The following SLCO3A1 variants were observed in gnomAD, a reference collection of about 807,000 sequenced individuals.
The protein encoded by SLCO3A1 is PGE1 transporter.
Under a neutral mutation model 63.1 loss-of-function variants are expected in SLCO3A1, and 27 were observed. The observed-to-expected ratio is 0.43, with a 90% CI of 0.32 to 0.59. The LOEUF (loss-of-function observed/expected upper bound fraction) is 0.59, where lower values mean the gene tolerates loss of function less well. Ranked by LOEUF, SLCO3A1 falls within the 20% of genes least tolerant of loss-of-function variation. The pLI, the probability that SLCO3A1 is intolerant of heterozygous loss-of-function variation, is 0.09. For synonymous variants in SLCO3A1, 473 were observed against 409.9 expected (o/e 1.15, Z -1.86); for missense variants, 773 against 945.8 (o/e 0.82, Z 2.40).
At chr15:92,168,745 A>G (rs1374328775), downstream of SLCO3A1, among the ~76,000 whole-genome samples, 2 of 152,214 alleles carry the variant, frequency 1.3e-5, no homozygotes, top group African/African-American at 4.8e-5. Context: ...TCTCATTTCC[A>G]AGAATAAAGT....
intron 7 of SLCO3A1, among the ~76,000 whole-genome samples, chr15:92,136,549 T>C (rs2048059665): frequency 1.3e-5 from 2 of 152,268 alleles, no homozygotes; most frequent in African/African-American, 4.8e-5. Flanking sequence ...TGTATGTGAA[T>C]AGAAACATTT....
Position 92,165,680 on chromosome 15 carries a change from G to GTGTC in SLCO3A1, c.*2546_*2549dup, listed in dbSNP as rs1880750920. On this transcript the variant is annotated 3_prime_UTR_variant, in exon 10 of 10. Transcript: ENST00000318445. ...TTGCAGGATGGCTCTGAATTCTGTT[G>GTGTC]TGTCGTCTTTTAAAATTTTAATTAT... 1.0e-6 allele frequency: 1 copy of GTGTC among 985,184 alleles called. No individual in the cohort carries two copies. 61.0% of individuals were successfully genotyped at this position (985,184 alleles called of 1,614,324 possible). A position where few individuals can be genotyped will look rare whatever the true frequency, so the allele number is the denominator to read the frequency against.
At chr15:91,945,111 C>T (rs756580048) in intron 2 of SLCO3A1, among the ~76,000 whole-genome samples, 7 of 151,732 alleles carry the variant, frequency 4.6e-5, no homozygotes, top group Admixed American at 1.3e-4. Flanking sequence ...TTTGGGAGGC[C>T]GAGGCAGGCG....
chr15:92,051,475 C>T (rs1277868163), intron 2 of SLCO3A1, among the ~76,000 whole-genome samples: 2 of 152,128 alleles, frequency 1.3e-5, no homozygotes, highest in Non-Finnish European at 2.9e-5. Flanking sequence ...CATGGATTTG[C>T]TCAATGGAAC....
chr15:92,031,593 A>G (rs1451618662), intron 2 of SLCO3A1, among the ~76,000 whole-genome samples: 1 of 152,176 alleles, frequency 6.6e-6, no homozygotes, highest in Non-Finnish European at 1.5e-5. Context: ...GGTATGTCTG[A>G]GGTCAGCACC....
At chr15:91,961,130 G>A (rs140219747) in intron 2 of SLCO3A1, among the ~76,000 whole-genome samples, 29 of 152,280 alleles carry the variant, frequency 1.9e-4, no homozygotes, top group African/African-American at 6.7e-4. Flanking sequence ...TGTCTGAAAC[G>A]TGATTTTTGA....
rs1378562564 is a variant in SLCO3A1 at position 92,165,381 on chromosome 15, T to C, written c.*2246T>C. ...TGATAATATCCTGTACAGATTTTGG[T>C]TTAGTTTTGCAAATATATTGCTAAT... On this transcript the variant is annotated 3_prime_UTR_variant, in exon 10 of 10. Transcript: ENST00000318445. The C allele has an allele frequency of 1.0e-6, 1 of 985,224 alleles. No homozygotes were observed. The highest frequency in any genetic ancestry group is 1.2e-6 in the Non-Finnish European group (1 of 829,848). The allele number at this position is 985,224 out of a possible 1,614,324, so 61.0% of individuals were successfully genotyped here. A position where few individuals can be genotyped will look rare whatever the true frequency, so the allele number is the denominator to read the frequency against.
chr15:91,877,154 T>C (rs28459353), intron 1 of SLCO3A1, among the ~76,000 whole-genome samples: 30,635 of 152,174 alleles, frequency 0.2, 3,198 homozygotes, highest in Middle Eastern at 0.31. Flanking sequence ...TGAATTCTGA[T>C]GTGAAAGAAT....
chr15:92,004,917 C>T (rs557087026), intron 2 of SLCO3A1, among the ~76,000 whole-genome samples: 4 of 152,326 alleles, frequency 2.6e-5, no homozygotes, highest in Admixed American at 1.3e-4. Context: ...TGGTCTATGG[C>T]TCTAAGCTCT....
At chr15:92,048,445 C>A (rs2046916862) in intron 2 of SLCO3A1, among the ~76,000 whole-genome samples, 2 of 152,266 alleles carry the variant, frequency 1.3e-5, no homozygotes, top group African/African-American at 4.8e-5. Context: ...CTTCCTAGTA[C>A]AGTGTCTCAT....
intron 1 of SLCO3A1, among the ~76,000 whole-genome samples, chr15:91,895,967 G>A (rs749360668): frequency 2.0e-5 from 3 of 152,174 alleles, no homozygotes; most frequent in African/African-American, 2.4e-5. Flanking sequence ...GTCCTTTCTT[G>A]TTTTCCAGTA....
chr15:92,089,545 T>C (rs2047446769), intron 2 of SLCO3A1, among the ~76,000 whole-genome samples: 1 of 152,226 alleles, frequency 6.6e-6, no homozygotes. Context: ...TAGTGTTCAC[T>C]GTTGCTGACA....
chr15:92,119,574 A>AG (rs765727520), intron 4 of SLCO3A1, among the ~76,000 whole-genome samples: 3 of 152,174 alleles, frequency 2.0e-5, no homozygotes, highest in Non-Finnish European at 4.4e-5. Flanking sequence ...TGTATAGGGA[A>AG]GACCCCCAAG....
At chr15:92,143,733 A>G (rs2048181532) in intron 7 of SLCO3A1, among the ~76,000 whole-genome samples, 1 of 151,152 alleles carries the variant, frequency 6.6e-6, no homozygotes, top group Admixed American at 6.6e-5. Context: ...CAAGAGGTGG[A>G]GGGAAAGGAG....
At chr15:91,960,658 A>G (rs879841526) in intron 2 of SLCO3A1, among the ~76,000 whole-genome samples, 4 of 152,174 alleles carry the variant, frequency 2.6e-5, no homozygotes, top group Non-Finnish European at 4.4e-5. Context: ...TCACTATTTC[A>G]TATGACTAGC....
At chr15:91,981,211 C>T (rs1450467970) in intron 2 of SLCO3A1, among the ~76,000 whole-genome samples, 1 of 152,162 alleles carries the variant, frequency 6.6e-6, no homozygotes, top group African/African-American at 2.4e-5. Context: ...CCTTCTCCCA[C>T]CAGCCAGACC....
rs1567170265 is a variant in SLCO3A1 at position 91,883,074 on chromosome 15, A to G, written c.180+28986A>G. On this transcript the variant is annotated intron_variant, in intron 1 of 9. Coordinates refer to ENST00000318445, the MANE Select transcript of SLCO3A1 (RefSeq NM_013272.4). The surrounding 1 kb of genome is among the most constrained non-coding windows in gnomAD (Gnocchi z 4.8). The stretch of plus-strand genomic sequence containing the variant: ...AGAGGAGAATGGTGAGGACTTGGGA[A>G]GGAGCCATGTGCTCCAGCCATTCAG... 6.6e-6 allele frequency among the ~76,000 whole-genome samples: 1 copy of G among 152,252 alleles called. No individual in the cohort carries two copies. Among genetic ancestry groups the G allele is most frequent in the Non-Finnish European group, 1.5e-5 (1 of 68,046 alleles).
intron 2 of SLCO3A1, among the ~76,000 whole-genome samples, chr15:92,088,566 A>C (rs2047433313): frequency 1.3e-5 from 2 of 152,204 alleles, no homozygotes; most frequent in Non-Finnish European, 2.9e-5. Context: ...TGGAGGTCAG[A>C]CATCCATATT....
chr15:92,106,380 G>A (rs2047667891), intron 4 of SLCO3A1, among the ~76,000 whole-genome samples: 1 of 152,090 alleles, frequency 6.6e-6, no homozygotes, highest in Non-Finnish European at 1.5e-5. Context: ...CTTCCAGCAG[G>A]CCCCAGGCAA....
Sources: gnomAD v4.1 joint callset for allele counts (sites outside exome capture counted in the v4.1 genomes callset) on GRCh38, gnomAD v4.1.1 for gene constraint, Gnocchi (gnomAD v3.1) non-coding constraint, MANE v1.5 for transcripts, NCBI Gene and HGNC (gene_info 2026-07-23, HGNC 2026-07-21) for gene names.